SORCS1: variants seen among roughly 807,000 people sequenced by gnomAD.
SORCS1 encodes VPS10 domain-containing receptor SorCS1.
Under a neutral mutation model 146.1 loss-of-function variants are expected in SORCS1, and 60 were observed. The observed-to-expected ratio is 0.41, with a 90% CI of 0.33 to 0.51. The LOEUF (loss-of-function observed/expected upper bound fraction) is 0.51. SORCS1 is among the 20% of genes least tolerant of loss of function. SORCS1 has a pLI of 0.21. For synonymous variants in SORCS1, 637 were observed against 584.0 expected (o/e 1.09, Z -1.31); for missense variants, 1,352 against 1,487.6 (o/e 0.91, Z 1.50).
intron 1 of SORCS1, among the ~76,000 whole-genome samples, chr10:106,993,331 G>A (rs1484089968): frequency 6.6e-6 from 1 of 152,162 alleles, no homozygotes; most frequent in Non-Finnish European, 1.5e-5. Flanking sequence ...AGCTGCACTG[G>A]TGGTTTTTAT....
intron 1 of SORCS1, among the ~76,000 whole-genome samples, chr10:107,030,966 T>G (rs1264644375): frequency 6.6e-6 from 1 of 152,172 alleles, no homozygotes; most frequent in Non-Finnish European, 1.5e-5. Flanking sequence ...TCTCAGAATT[T>G]CATGCTTCCC....
At chr10:106,873,106 A>G (rs533203167) in intron 2 of SORCS1, among the ~76,000 whole-genome samples, 1 of 152,216 alleles carries the variant, frequency 6.6e-6, no homozygotes, top group Admixed American at 6.5e-5. Flanking sequence ...CCCAGGAGGC[A>G]GAGGTTGCAA....
At chr10:106,588,315 C>T (rs1177765511) in intron 24 of SORCS1, among the ~76,000 whole-genome samples, 1 of 152,178 alleles carries the variant, frequency 6.6e-6, no homozygotes, top group Non-Finnish European at 1.5e-5. Flanking sequence ...CCAAATATTC[C>T]AAGAAATTAG....
chr10:106,940,777 G>A (rs748141710), intron 2 of SORCS1, among the ~76,000 whole-genome samples: 67 of 152,264 alleles, frequency 4.4e-4, no homozygotes, highest in African/African-American at 1.4e-3. Context: ...CCAGCTACTC[G>A]GGAGACTGAA....
the SORCS1 span, among the ~76,000 whole-genome samples, chr10:107,178,502 ATT>A: frequency 1.6e-4 from 20 of 128,084 alleles, no homozygotes; most frequent in South Asian, 2.4e-4. Flanking sequence ...ATATATATAT[ATT>A]TTTTTTTAAG....
chr10:106,958,045 C>T (rs1421322202), intron 1 of SORCS1, among the ~76,000 whole-genome samples: 6 of 152,168 alleles, frequency 3.9e-5, no homozygotes, highest in Non-Finnish European at 7.4e-5. Flanking sequence ...ACAGCTGCTC[C>T]GGAAGACAGC....
intron 2 of SORCS1, among the ~76,000 whole-genome samples, chr10:106,921,689 C>T (rs1010445782): frequency 1.3e-5 from 2 of 152,126 alleles, no homozygotes; most frequent in Non-Finnish European, 2.9e-5. Flanking sequence ...TGCATTGCTA[C>T]CCCTATAGAA....
intron 8 of SORCS1, among the ~76,000 whole-genome samples, chr10:106,702,657 C>T (rs1364387232): frequency 2.0e-5 from 3 of 152,160 alleles, no homozygotes; most frequent in Non-Finnish European, 4.4e-5. Context: ...GTTGTACAGC[C>T]ATTTTCAAAT....
chr10:107,129,879 A>G (rs1488981445), intron 1 of SORCS1, among the ~76,000 whole-genome samples: 1 of 152,184 alleles, frequency 6.6e-6, no homozygotes, highest in Non-Finnish European at 1.5e-5. Context: ...TTAACTTCAC[A>G]AAAGCTTTGC....
intron 1 of SORCS1, among the ~76,000 whole-genome samples, chr10:107,112,611 A>G (rs1387169836): frequency 1.3e-5 from 2 of 152,170 alleles, no homozygotes; most frequent in African/African-American, 2.4e-5. Context: ...GTTAAAAAAA[A>G]TCAACAATAT....
At chr10:107,075,657 G>C (rs141588239) in intron 1 of SORCS1, among the ~76,000 whole-genome samples, 1 of 152,034 alleles carries the variant, frequency 6.6e-6, no homozygotes, top group Non-Finnish European at 1.5e-5. Flanking sequence ...CAGATTCACA[G>C]AGAAATTGTC....
chr10:106,824,235 C>T (rs143378097), intron 3 of SORCS1, among the ~76,000 whole-genome samples: 13 of 147,230 alleles, frequency 8.8e-5, no homozygotes, highest in African/African-American at 2.5e-4. Context: ...ACTCAGGAGG[C>T]GGAGGTTGCG....
chr10:106,737,718 G>A (rs1857062122), intron 5 of SORCS1, among the ~76,000 whole-genome samples: 1 of 152,034 alleles, frequency 6.6e-6, no homozygotes, highest in Admixed American at 6.6e-5. Context: ...ACCAAAAAAG[G>A]ATAAAAGTAT....
At chr10:106,631,596 A>G (rs1042537119) in intron 18 of SORCS1, among the ~76,000 whole-genome samples, 1 of 152,208 alleles carries the variant, frequency 6.6e-6, no homozygotes, top group African/African-American at 2.4e-5. Flanking sequence ...GGGGGAGGAC[A>G]TGACGGAAGA....
chr10:106,858,035 G>A (rs535816006), intron 2 of SORCS1, among the ~76,000 whole-genome samples: 1 of 152,064 alleles, frequency 6.6e-6, no homozygotes, highest in Non-Finnish European at 1.5e-5. Flanking sequence ...TCTCTTTCCT[G>A]GATTCCCTGA....
intron 2 of SORCS1, among the ~76,000 whole-genome samples, chr10:106,835,962 G>A (rs543577691): frequency 4.6e-5 from 7 of 150,840 alleles, no homozygotes; most frequent in Middle Eastern, 3.4e-3. Flanking sequence ...CTGAGATCGC[G>A]CCATTGCACT....
intron 1 of SORCS1, among the ~76,000 whole-genome samples, chr10:107,081,834 C>T (rs1357633454): frequency 6.6e-6 from 1 of 152,126 alleles, no homozygotes; most frequent in Non-Finnish European, 1.5e-5. Flanking sequence ...ACCAGAAAAC[C>T]ACAGAGAAGA....
chr10:107,003,983 G>A (rs1957326839), intron 1 of SORCS1, among the ~76,000 whole-genome samples: 1 of 151,956 alleles, frequency 6.6e-6, no homozygotes, highest in Non-Finnish European at 1.5e-5. Flanking sequence ...AGATCATCCT[G>A]GCTAACACGG....
chr10:106,853,520 C>A (rs191529446), intron 2 of SORCS1, among the ~76,000 whole-genome samples: 3 of 150,994 alleles, frequency 2.0e-5, no homozygotes, highest in Non-Finnish European at 4.4e-5. Context: ...TTAATTTGCT[C>A]ATTTTTCCCT....
Sources: gnomAD v4.1 joint callset for allele counts (sites outside exome capture counted in the v4.1 genomes callset) on GRCh38, gnomAD v4.1.1 for gene constraint, MANE v1.5 for transcripts, NCBI Gene and HGNC (gene_info 2026-07-23, HGNC 2026-07-21) for gene names.